Variants in ERBB4 observed in about 807,000 individuals in gnomAD.
ERBB4 encodes the protein erb-b2 receptor tyrosine kinase 4.
Under a neutral mutation model 158.0 loss-of-function variants are expected in ERBB4, and 42 were observed. That is an observed-to-expected ratio of 0.27 (90% CI 0.21 to 0.34). ERBB4 has a LOEUF of 0.34. Ranked by LOEUF, ERBB4 falls within the 10% of genes least tolerant of loss-of-function variation. The pLI is 1.00. For synonymous variants in ERBB4, 583 were observed against 558.7 expected (o/e 1.04, Z -0.61); for missense variants, 1,333 against 1,624.1 (o/e 0.82, Z 3.08).
At chr2:211,980,991 C>A (rs6749807) in intron 2 of ERBB4, among the ~76,000 whole-genome samples, 116,719 of 150,510 alleles carry the variant, frequency 0.78, 45,918 homozygotes, top group East Asian at 0.98. Flanking sequence ...CGCTCCCCAC[C>A]ATCTGTATTA....
intron 1 of ERBB4, among the ~76,000 whole-genome samples, chr2:212,244,165 A>G (rs777673828): frequency 6.6e-6 from 1 of 152,174 alleles, no homozygotes; most frequent in Non-Finnish European, 1.5e-5. Flanking sequence ...TAATGGGCAT[A>G]TTAACAAAAA....
chr2:212,106,836 T>C (rs1206815644), intron 2 of ERBB4, among the ~76,000 whole-genome samples: 1 of 152,232 alleles, frequency 6.6e-6, no homozygotes, highest in Non-Finnish European at 1.5e-5. Context: ...GCTCAGGCCA[T>C]GGCTTCAGAG....
At chr2:211,945,422 AT>A (rs1163563437) in intron 3 of ERBB4, among the ~76,000 whole-genome samples, 1 of 152,066 alleles carries the variant, frequency 6.6e-6, no homozygotes, top group Non-Finnish European at 1.5e-5. Flanking sequence ...ATTAGCCTAA[AT>A]TTCTACCATT....
At chr2:211,877,571 T>A (rs1482517990) in intron 3 of ERBB4, among the ~76,000 whole-genome samples, 2 of 151,986 alleles carry the variant, frequency 1.3e-5, no homozygotes, top group Non-Finnish European at 2.9e-5. Context: ...AATGTCTTTT[T>A]TTTTTTCCAT....
At chr2:212,286,227 CATT>C (rs777319141) in intron 1 of ERBB4, among the ~76,000 whole-genome samples, 8 of 152,088 alleles carry the variant, frequency 5.3e-5, no homozygotes, top group Admixed American at 3.9e-4. Context: ...TAAACATTAA[CATT>C]ATTATTATGA....
rs759661586 is a variant in ERBB4, at chr2:211,969,342, G to A, written c.235-21726C>T. The stretch of plus-strand genomic sequence containing the variant: ...AGACATATCTCTTTGCTGAAAAAAC[G>A]TTCCAAGTTCTTCAATGAGAAAAGC... On this transcript the variant is annotated intron_variant, in intron 2 of 27. Transcript: ENST00000342788. Among the ~76,000 whole-genome samples the A allele has an allele frequency of 2.6e-5, 4 of 151,970 alleles. 1 individual carries two copies. The highest frequency in any genetic ancestry group is 4.1e-4 in the South Asian group (2 of 4,832).
rs185615744 is a variant in ERBB4, at chr2:211,917,025, G to C, written c.421+30405C>G. 4.4e-3 allele frequency among the ~76,000 whole-genome samples: 671 copies of C among 152,182 alleles called. 3 individuals are homozygous for C. Among genetic ancestry groups the C allele is most frequent in the African/African-American group, 0.016 (647 of 41,540 alleles). ...GAGACCTACAGATTTGATACCAGTGGTTACAACTAGGGAGGGACCCAAGGG... is the reference window on the plus strand; with the variant it reads ...GAGACCTACAGATTTGATACCAGTGCTTACAACTAGGGAGGGACCCAAGGG... On this transcript the variant is annotated intron_variant, in intron 3 of 27. Transcript: ENST00000342788.
rs1414746942 is a variant in ERBB4 at position 211,547,219 on chromosome 2, C to T, written c.2487+14684G>A. On this transcript the variant is annotated intron_variant, in intron 20 of 27. Transcript: ENST00000342788. ...TCTCTCTTTAAATTTTTGGAAACTTCCTGTGAATCTACAATTATTTCAAAA... is the reference window on the plus strand; with the variant it reads ...TCTCTCTTTAAATTTTTGGAAACTTTCTGTGAATCTACAATTATTTCAAAA... 4.6e-5 allele frequency among the ~76,000 whole-genome samples: 7 copies of T among 151,968 alleles called. 1 individual carries two copies. Among genetic ancestry groups the T allele is most frequent in the Non-Finnish European group, 1.5e-5 (1 of 68,016 alleles).
Position 212,325,919 on chromosome 2 carries a change from G to T in ERBB4, c.83-201016C>A, listed in dbSNP as rs1022286352. On this transcript the variant is annotated intron_variant, in intron 1 of 27. Transcript: ENST00000342788. ...TTTGCTCATAATTTTATCGGTCTAA[G>T]TATTTGGCAAAAAACTACACCTATT... Among the ~76,000 whole-genome samples the T allele has an allele frequency of 3.3e-5, 5 of 150,404 alleles. No individual in the cohort carries two copies. The South Asian group carries it at 1.1e-3, about 32-fold the overall frequency.
In ERBB4 at chr2:212,124,980, C is replaced by G. The variant is rs2079877372; in HGVS notation, c.83-77G>C. The G allele has an allele frequency of 2.0e-6, 3 of 1,519,116 alleles. No homozygotes were observed. In the East Asian group the frequency reaches 6.8e-5, roughly 34 times the overall value. 94.1% of individuals were successfully genotyped at this position (1,519,116 alleles called of 1,614,324 possible). ...CGCAATGATAATATCTTTCTCAAAACTCTCTATTCCACAAGCCTATCCCAG... is the reference window on the plus strand; with the variant it reads ...CGCAATGATAATATCTTTCTCAAAAGTCTCTATTCCACAAGCCTATCCCAG... On this transcript the variant is annotated intron_variant, in intron 1 of 27. Coordinates refer to ENST00000342788, the MANE Select transcript of ERBB4 (RefSeq NM_005235.3).
chr2:212,227,438 G>A (rs1376857645), intron 1 of ERBB4, among the ~76,000 whole-genome samples: 3 of 152,046 alleles, frequency 2.0e-5, no homozygotes, highest in Non-Finnish European at 4.4e-5. Flanking sequence ...CTATATTCAT[G>A]AGGTGTTAAT....
chr2:211,486,927 A>AAC (rs1167563678), intron 20 of ERBB4, among the ~76,000 whole-genome samples: 1 of 152,136 alleles, frequency 6.6e-6, no homozygotes, highest in Non-Finnish European at 1.5e-5. Context: ...TATAGAATAT[A>AAC]ACAGCTTCAT....
chr2:211,654,631 A>T, intron 16 of ERBB4, among the ~76,000 whole-genome samples: 1 of 152,214 alleles, frequency 6.6e-6, no homozygotes, highest in Non-Finnish European at 1.5e-5. Context: ...AATAAACATA[A>T]GCTGTATGCT....
At chr2:211,752,474 A>G (rs1230509873) in intron 4 of ERBB4, among the ~76,000 whole-genome samples, 1 of 148,266 alleles carries the variant, frequency 6.7e-6, no homozygotes, top group East Asian at 2.0e-4. Context: ...CTTTGTGGCC[A>G]GAATACTACC....
At chr2:211,774,475 A>C (rs1368124516) in intron 4 of ERBB4, among the ~76,000 whole-genome samples, 1 of 152,066 alleles carries the variant, frequency 6.6e-6, no homozygotes, top group Non-Finnish European at 1.5e-5. Flanking sequence ...TTCTCACCTT[A>C]TTTGTTTATA....
rs6741604 is a variant in ERBB4, at chr2:212,157,085, A to G, written c.83-32182T>C. On this transcript the variant is annotated intron_variant, in intron 1 of 27. Coordinates refer to ENST00000342788, the MANE Select transcript of ERBB4 (RefSeq NM_005235.3). ...TATGGAATTCCACAGCTCTTAGACT[A>G]CATACCATACTTCTTAAAATGGCAT... Among the ~76,000 whole-genome samples the G allele has an allele frequency of 5.3e-3, 809 of 152,220 alleles. 5 individuals are homozygous for G. Among genetic ancestry groups the G allele is most frequent in the African/African-American group, 0.018 (753 of 41,562 alleles).
intron 19 of ERBB4, among the ~76,000 whole-genome samples, chr2:211,585,290 T>C (rs1057299954): frequency 6.2e-5 from 9 of 145,798 alleles, no homozygotes; most frequent in Non-Finnish European, 1.3e-4. Context: ...AGGCGGAGCT[T>C]GTAGTGAGCG....
intron 3 of ERBB4, among the ~76,000 whole-genome samples, chr2:211,807,750 A>G (rs1264670838): frequency 6.6e-6 from 1 of 152,200 alleles, no homozygotes; most frequent in African/African-American, 2.4e-5. Context: ...CAATGGTGTG[A>G]AAGAGTTCCT....
intron 20 of ERBB4, among the ~76,000 whole-genome samples, chr2:211,476,526 G>A (rs1023800735): frequency 6.7e-6 from 1 of 148,516 alleles, no homozygotes; most frequent in East Asian, 2.0e-4. Context: ...AAGAGTAGAA[G>A]AATCTAAGTT....
Sources: gnomAD v4.1 joint callset for allele counts (sites outside exome capture counted in the v4.1 genomes callset) on GRCh38, gnomAD v4.1.1 for gene constraint, MANE v1.5 for transcripts, NCBI Gene and HGNC (gene_info 2026-07-23, HGNC 2026-07-21) for gene names.